Variants in NWD2 observed in about 807,000 individuals in gnomAD.
NWD2 encodes the protein NACHT and WD repeat domain containing 2, also known as NACHT and WD repeat domain-containing protein 2.
In NWD2, 37 loss-of-function variants were observed where a neutral mutation model predicts 132.7. The ratio of observed to expected loss-of-function variants is 0.28; its 90% CI spans 0.21 to 0.37. NWD2 has a LOEUF of 0.37. Ranked by LOEUF, NWD2 falls within the 10% of genes least tolerant of loss-of-function variation. NWD2 has a pLI of 1.00. For missense variants in NWD2, 1,592 were observed against 2,122.4 expected, an observed-to-expected ratio of 0.75 and a Z score of 4.91; for synonymous variants, 705 against 803.0, an observed-to-expected ratio of 0.88 and a Z score of 2.06.
intron 2 of NWD2, among the ~76,000 whole-genome samples, chr4:37,348,675 T>TATATACACACAC (rs1308407988): frequency 3.1e-4 from 7 of 22,566 alleles, no homozygotes; most frequent in Non-Finnish European, 5.3e-4. Flanking sequence ...TATATATATA[T>TATATACACACAC]ACACACACAC....
chr4:37,390,571 C>G (rs142113809), intron 3 of NWD2, among the ~76,000 whole-genome samples: 1 of 152,222 alleles, frequency 6.6e-6, no homozygotes, highest in African/African-American at 2.4e-5. Context: ...TATTTGGTCT[C>G]TAGTGTCACC....
At chr4:37,279,923 T>TAGG (rs1718094480) in intron 1 of NWD2, among the ~76,000 whole-genome samples, 1 of 152,204 alleles carries the variant, frequency 6.6e-6, no homozygotes, top group Admixed American at 6.5e-5. Context: ...ATAGAGAGAT[T>TAGG]GACAAGAGTG....
At chr4:37,308,416 G>A (rs955067226) in intron 1 of NWD2, among the ~76,000 whole-genome samples, 4 of 152,170 alleles carry the variant, frequency 2.6e-5, no homozygotes, top group East Asian at 1.9e-4. Flanking sequence ...TGTTTGTGGA[G>A]GCAGCTTTGC....
intron 2 of NWD2, among the ~76,000 whole-genome samples, chr4:37,332,594 A>C (rs529738463): frequency 3.3e-5 from 5 of 152,272 alleles, no homozygotes; most frequent in African/African-American, 1.2e-4. Flanking sequence ...ATACCCAGGC[A>C]TTACTCGCCA....
At chr4:37,358,368 G>A (rs759826358) in intron 3 of NWD2, among the ~76,000 whole-genome samples, 1 of 148,992 alleles carries the variant, frequency 6.7e-6, no homozygotes, top group Non-Finnish European at 1.5e-5. Context: ...TTGGGGGAAC[G>A]AACACCGAAA....
chr4:37,416,865 C>G (rs1711628263), intron 3 of NWD2, among the ~76,000 whole-genome samples: 1 of 117,454 alleles, frequency 8.5e-6, no homozygotes. Context: ...AACCAAACAT[C>G]ATATGTTCTC....
At chr4:37,309,471 A>G (rs1718783894) in intron 1 of NWD2, among the ~76,000 whole-genome samples, 1 of 152,054 alleles carries the variant, frequency 6.6e-6, no homozygotes, top group African/African-American at 2.4e-5. Flanking sequence ...TGGATTGGAT[A>G]ATGATAAGGG....
intron 3 of NWD2, among the ~76,000 whole-genome samples, chr4:37,387,950 AC>A (rs1276055278): frequency 3.1e-5 from 3 of 97,958 alleles, no homozygotes; most frequent in Non-Finnish European, 6.3e-5. Flanking sequence ...TATTCTTATA[AC>A]AACTATTTAT....
At chr4:37,338,791 A>G (rs1449983335) in intron 2 of NWD2, among the ~76,000 whole-genome samples, 2 of 151,832 alleles carry the variant, frequency 1.3e-5, no homozygotes, top group East Asian at 1.9e-4. Flanking sequence ...GTTGAGCCCA[A>G]TCTCCTTCTC....
intron 1 of NWD2, among the ~76,000 whole-genome samples, chr4:37,322,358 G>A (rs150794726): frequency 3.1e-4 from 47 of 152,268 alleles, no homozygotes; most frequent in African/African-American, 1.1e-3. Context: ...TCTCTGAGGA[G>A]GTGGCATTAA....
intron 2 of NWD2, among the ~76,000 whole-genome samples, chr4:37,326,399 T>C (rs1429136212): frequency 6.6e-6 from 1 of 152,176 alleles, no homozygotes; most frequent in Non-Finnish European, 1.5e-5. Context: ...TTCAAACTTA[T>C]TTCCTTTCAT....
intron 2 of NWD2, among the ~76,000 whole-genome samples, chr4:37,344,082 A>C (rs1383477771): frequency 6.6e-6 from 1 of 152,198 alleles, no homozygotes; most frequent in Non-Finnish European, 1.5e-5. Flanking sequence ...ATGTGCTGTC[A>C]ACAAGTTAGT....
At chr4:37,429,064 G>T (rs1193179206) in intron 3 of NWD2, among the ~76,000 whole-genome samples, 1 of 152,046 alleles carries the variant, frequency 6.6e-6, no homozygotes, top group Non-Finnish European at 1.5e-5. Context: ...TTAAATACCT[G>T]CTGGTTTTCT....
chr4:37,320,177 G>A (rs1719039928), intron 1 of NWD2, among the ~76,000 whole-genome samples: 1 of 152,070 alleles, frequency 6.6e-6, no homozygotes, highest in African/African-American at 2.4e-5. Context: ...AGTTCTTCTT[G>A]TAGAGATCTT....
At chr4:37,376,051 G>C (rs1201582173) in intron 3 of NWD2, among the ~76,000 whole-genome samples, 1 of 152,030 alleles carries the variant, frequency 6.6e-6, no homozygotes, top group Non-Finnish European at 1.5e-5. Flanking sequence ...TAGACATGAA[G>C]GTCATTATCA....
At chr4:37,347,225 G>A (rs2109297121) in intron 2 of NWD2, among the ~76,000 whole-genome samples, 1 of 152,086 alleles carries the variant, frequency 6.6e-6, no homozygotes, top group Admixed American at 6.5e-5. Flanking sequence ...CTTGTTTTAT[G>A]AACTAATATG....
chr4:37,396,770 C>A (rs1231776806), intron 3 of NWD2, among the ~76,000 whole-genome samples: 1 of 152,124 alleles, frequency 6.6e-6, no homozygotes, highest in Admixed American at 6.5e-5. Context: ...CGGTGGCTCA[C>A]CCCTGTAATC....
At chr4:37,245,623 G>C (rs964001726) in intron 1 of NWD2, among the ~76,000 whole-genome samples, 1 of 151,852 alleles carries the variant, frequency 6.6e-6, no homozygotes, top group South Asian at 2.1e-4. Context: ...TCCCCGAGGC[G>C]GGTTCCTGAG....
intron 2 of NWD2, among the ~76,000 whole-genome samples, chr4:37,330,125 G>T (rs1379549564): frequency 6.6e-6 from 1 of 152,094 alleles, no homozygotes; most frequent in East Asian, 1.9e-4. Flanking sequence ...GTGCCTGTTT[G>T]GCAGGCTATT....
Sources: allele counts gnomAD v4.1 joint callset (sites outside exome capture counted in the v4.1 genomes callset), GRCh38; gene constraint gnomAD v4.1.1; transcripts MANE v1.5; gene names NCBI Gene and HGNC (gene_info 2026-07-23, HGNC 2026-07-21).